The following MSH3 variants were observed in gnomAD, a reference collection of about 807,000 sequenced individuals.
MSH3 encodes mutS homolog 3, also known as DNA mismatch repair protein Msh3.
A neutral mutation model predicts 123.3 loss-of-function variants in MSH3; 106 were observed. That is an observed-to-expected ratio of 0.86 (90% confidence interval 0.73 to 1.01). The LOEUF (loss-of-function observed/expected upper bound fraction) is 1.01. MSH3 is among the 50% of genes least tolerant of loss of function. The pLI, the probability that MSH3 is intolerant of heterozygous loss-of-function variation, is 0.00. For synonymous variants in MSH3, 515 were observed against 481.4 expected (o/e 1.07, Z -0.91); for missense variants, 1,459 against 1,347.6 (o/e 1.08, Z -1.29).
At chr5:80,673,858 A>C (rs1027236226) in intron 6 of MSH3, among the ~76,000 whole-genome samples, 1 of 152,196 alleles carries the variant, frequency 6.6e-6, no homozygotes, top group Non-Finnish European at 1.5e-5. Context: ...ACCAGGGTGC[A>C]TTTAAAAAAA....
At chr5:80,678,894 T>A (rs1042076503) in intron 7 of MSH3, 33 bp from the exon 8 acceptor site, 5 of 1,612,718 alleles carry the variant, frequency 3.1e-6, no homozygotes, top group Non-Finnish European at 4.2e-6. Context: ...AAATACATTT[T>A]TTCTGTAACA....
chr5:80,654,744 C>G lies in MSH3; in HGVS notation c.17C>G (p.Pro6Arg). The G allele has an allele frequency of 6.2e-7, 1 of 1,602,256 alleles. No homozygotes were observed. Among genetic ancestry groups the G allele is most frequent in the Non-Finnish European group, 8.5e-7 (1 of 1,175,946 alleles). MSRRK[P>R]ASGGLAASSS... ...TGCCCTGCCATGTCTCGCCGGAAGCCTGCGTCGGGCGGCCTCGCTGCCTCC... is the reference window on the plus strand; with the variant it reads ...TGCCCTGCCATGTCTCGCCGGAAGCGTGCGTCGGGCGGCCTCGCTGCCTCC... Residue 6 changes from proline to arginine, a missense_variant, in exon 1 of 24, where the codon CCT (proline) becomes CGT (arginine). Coordinates refer to ENST00000265081, the MANE Select transcript of MSH3 (RefSeq NM_002439.5).
chr5:80,849,526 C>CAAACCTCAGGTTCG (rs1745792780), intron 20 of MSH3, among the ~76,000 whole-genome samples: 1 of 151,986 alleles, frequency 6.6e-6, no homozygotes, highest in South Asian at 2.1e-4. Context: ...GCGGAGGTTC[C>CAAACCTCAGGTTCG]CAAACCTCAG....
chr5:80,718,326 G>A (rs917932263), intron 8 of MSH3, among the ~76,000 whole-genome samples: 6 of 152,034 alleles, frequency 3.9e-5, no homozygotes, highest in African/African-American at 7.2e-5. Context: ...GCTATGTTGC[G>A]CAGGTGAGTT....
intron 20 of MSH3, among the ~76,000 whole-genome samples, chr5:80,817,210 G>A (rs71636245): frequency 0.021 from 3,213 of 152,290 alleles, 41 homozygotes; most frequent in Non-Finnish European, 0.031. Flanking sequence ...ATGGGAGCGA[G>A]GGGAAAGAGT....
At chr5:80,817,908 CA>C (rs994134368) in intron 20 of MSH3, among the ~76,000 whole-genome samples, 1 of 151,540 alleles carries the variant, frequency 6.6e-6, no homozygotes, top group African/African-American at 2.4e-5. Context: ...GTCTTCTGGC[CA>C]AAAAAAATCA....
intron 20 of MSH3, 49 bp from the exon 21 acceptor site, chr5:80,854,081 T>C: frequency 6.9e-7 from 1 of 1,457,392 alleles, no homozygotes; most frequent in Non-Finnish European, 9.6e-7. Flanking sequence ...TTCGGCTTCC[T>C]AATAAGAAAG....
intron 12 of MSH3, among the ~76,000 whole-genome samples, chr5:80,755,896 C>T (rs1743918351): frequency 6.6e-6 from 1 of 152,142 alleles, no homozygotes; most frequent in Non-Finnish European, 1.5e-5. Flanking sequence ...GAAAACGTTT[C>T]TAAGAATTCT....
rs1426193908 is a variant in MSH3, at chr5:80,748,723, CA to C, written c.1763+4109del. ...ACACACACACACACACACACACACA[CA>C]CACACACACCCATATGTATGTCATT... On this transcript the variant is annotated intron_variant, in intron 12 of 23. Coordinates refer to ENST00000265081, the MANE Select transcript of MSH3 (RefSeq NM_002439.5). 6.9e-4 allele frequency among the ~76,000 whole-genome samples: 96 copies of C among 139,106 alleles called. 1 individual carries two copies. The highest frequency in any genetic ancestry group is 2.5e-3 in the African/African-American group (94 of 36,892). 91.3% of individuals were successfully genotyped at this position (139,106 alleles called of 152,430 possible). A position where few individuals can be genotyped will look rare whatever the true frequency, so the allele number is the denominator to read the frequency against.
intron 18 of MSH3, among the ~76,000 whole-genome samples, chr5:80,790,918 A>G (rs1744595295): frequency 6.6e-6 from 1 of 152,200 alleles, no homozygotes; most frequent in Non-Finnish European, 1.5e-5. Flanking sequence ...TGAGATTCTG[A>G]ATGCTCAGAA....
intron 8 of MSH3, among the ~76,000 whole-genome samples, chr5:80,681,998 G>A (rs1027723142): frequency 1.3e-5 from 2 of 152,092 alleles, no homozygotes; most frequent in African/African-American, 2.4e-5. Context: ...TTTTCTCTAT[G>A]TTTACTGACC....
intron 20 of MSH3, among the ~76,000 whole-genome samples, chr5:80,833,852 A>G (rs900892675): frequency 6.5e-5 from 8 of 123,606 alleles, no homozygotes; most frequent in African/African-American, 2.5e-4. Flanking sequence ...ACATAGCAGA[A>G]TAATAAGAGA....
In MSH3 at chr5:80,654,899, G is replaced by A. The variant is rs148550291; in HGVS notation, c.172G>A (p.Ala58Thr). 1.0e-5 allele frequency: 15 copies of A among 1,474,792 alleles called. No individual in the cohort carries two copies. Among genetic ancestry groups the A allele is most frequent in the Non-Finnish European group, 1.3e-5 (15 of 1,118,436 alleles). The allele number at this position is 1,474,792 out of a possible 1,614,324, so 91.4% of individuals were successfully genotyped here. A position where few individuals can be genotyped will look rare whatever the true frequency, so the allele number is the denominator to read the frequency against. Residue 58 changes from alanine (A) to threonine (T), a missense_variant, in exon 1 of 24, where the codon GCA becomes ACA. Physicochemically the swap from Ala to Thr is moderately conservative, Grantham distance 58 (BLOSUM62 0). Transcript: ENST00000265081. Reference protein sequence around the residue: ...DPGAAAAAAAAAAAAPPAPPA... With the variant: ...DPGAAAAAAATAAAAPPAPPA... ...TGGCGCTGCAGCGGCTGCAGCGGCC[G>A]CAGCGGCCGCAGCGCCCCCAGCGCC... is the stretch of plus-strand genomic sequence containing the variant.
At chr5:80,728,687 A>G (rs1447882702) in intron 9 of MSH3, among the ~76,000 whole-genome samples, 164 bp from the exon 10 acceptor site, 1 of 152,194 alleles carries the variant, frequency 6.6e-6, no homozygotes, top group Non-Finnish European at 1.5e-5. Context: ...TCCAAAGGTC[A>G]ATTTTAGGAG....
intron 13 of MSH3, among the ~76,000 whole-genome samples, chr5:80,767,320 G>A (rs1744140145): frequency 6.6e-6 from 1 of 152,114 alleles, no homozygotes; most frequent in Non-Finnish European, 1.5e-5. Context: ...AAAAAGGTTA[G>A]TCCTCTGCTA....
chr5:80,661,680 G>T (rs1329324454), intron 2 of MSH3, among the ~76,000 whole-genome samples: 1 of 152,092 alleles, frequency 6.6e-6, no homozygotes, highest in African/African-American at 2.4e-5. Flanking sequence ...CATTTCTGGG[G>T]CTGCATCCCT....
At position 80,659,102 on chromosome 5, in the gene MSH3, C is replaced by T. The variant is rs561825314; in HGVS notation, c.358+2571C>T. Among the ~76,000 whole-genome samples, 306 of 152,064 alleles carry T rather than the reference C, an allele frequency of 2.0e-3. 2 individuals are homozygous for T. Among genetic ancestry groups the T allele is most frequent in the African/African-American group, 7.0e-3 (292 of 41,450 alleles). ...TACAAAAATTAGCCGGATGTGGTGG[C>T]GGGCGCCAGTGGTCCCAGCTACTCA... On this transcript the variant is annotated intron_variant, in intron 2 of 23. Coordinates refer to ENST00000265081, the MANE Select transcript of MSH3 (RefSeq NM_002439.5).
intron 16 of MSH3, among the ~76,000 whole-genome samples, chr5:80,776,719 T>C (rs754016201): frequency 1.3e-5 from 2 of 151,766 alleles, no homozygotes; most frequent in Admixed American, 6.6e-5. Context: ...AGTACTGTTA[T>C]CAATAAGTTG....
Position 80,674,999 on chromosome 5 carries a change from C to A in MSH3, c.1044C>A (p.Ile348=), listed in dbSNP as rs766534747. Residue 348 remains isoleucine, a synonymous_variant, in exon 7 of 24, where the codon ATC becomes ATA. Transcript: ENST00000265081. ...TLIGEDVNPL[I]KLDDAVNVDE... ...TATTATTAAATGTGAATCCCCTAAT[C>A]AAGCTGGATGATGCTGTAAATGTTG... 2.5e-6 allele frequency: 4 copies of A among 1,607,872 alleles called. No individual in the cohort carries two copies. The East Asian group carries it at 8.9e-5, about 36-fold the overall frequency.
Sources: gnomAD v4.1 joint callset for allele counts (sites outside exome capture counted in the v4.1 genomes callset) on GRCh38, gnomAD v4.1.1 for gene constraint, MANE v1.5 for transcripts, NCBI Gene and HGNC (gene_info 2026-07-23, HGNC 2026-07-21) for gene names.